NEDD8: variants seen among roughly 807,000 people sequenced by gnomAD.
NEDD8 encodes the protein ubiquitin-like protein NEDD8.
A neutral mutation model predicts 13.8 loss-of-function variants in NEDD8; 1 was observed. The observed-to-expected ratio is 0.07, with a 90% CI of 0.03 to 0.34. NEDD8 has a LOEUF of 0.34. Among genes scored for constraint, NEDD8 ranks in the 10% least tolerant of loss-of-function variants. The pLI is 0.99. For synonymous variants in NEDD8, 31 were observed against 33.2 expected (o/e 0.93, Z 0.23); for missense variants, 10 against 95.2 (o/e 0.10, Z 3.73).
At chr14:24,226,901 C>A (rs1434374604) in intron 1 of NEDD8, 1 of 152,094 alleles carries the variant, frequency 6.6e-6, no homozygotes, top group Admixed American at 6.6e-5. Context: ...TCATAGAAGA[C>A]TTTTTCATAA....
rs1400112574 is a variant in NEDD8, at chr14:24,216,910, A to T, written c.*217T>A. The T allele has an allele frequency of 2.4e-4, 127 of 526,118 alleles. 1 individual carries two copies. Among genetic ancestry groups the T allele is most frequent in the Non-Finnish European group, 8.6e-5 (25 of 290,350 alleles). 32.6% of individuals were successfully genotyped at this position (526,118 alleles called of 1,614,324 possible). A position where few individuals can be genotyped will look rare whatever the true frequency, so the allele number is the denominator to read the frequency against. On this transcript the variant is annotated 3_prime_UTR_variant, in exon 4 of 4. Transcript: ENST00000250495. ...ACAACCAGGGACACAGTCATAAGAG[A>T]GGGAAGCACACAGGACTGCAAACTA... is the stretch of plus-strand genomic sequence containing the variant.
chr14:24,221,732 G>A (rs1294552990), intron 1 of NEDD8, among the ~76,000 whole-genome samples: 1 of 151,872 alleles, frequency 6.6e-6, no homozygotes, highest in Non-Finnish European at 1.5e-5. Context: ...CAAGTAGCTG[G>A]GACTACAGGC....
At chr14:24,225,696 A>G (rs1028793760) in intron 1 of NEDD8, among the ~76,000 whole-genome samples, 1 of 152,238 alleles carries the variant, frequency 6.6e-6, no homozygotes, top group African/African-American at 2.4e-5. Context: ...TATTCTTGAT[A>G]TATCACACTG....
chr14:24,224,607 A>G (rs867391031), intron 1 of NEDD8, among the ~76,000 whole-genome samples: 10 of 152,352 alleles, frequency 6.6e-5, no homozygotes, highest in Middle Eastern at 3.4e-3. Context: ...AATGGCTACC[A>G]TTTTGGACAC....
At chr14:24,220,079 C>T (rs527924437) in intron 1 of NEDD8, among the ~76,000 whole-genome samples, 1 of 152,284 alleles carries the variant, frequency 6.6e-6, no homozygotes, top group Admixed American at 6.5e-5. Flanking sequence ...GCAGAAGTTG[C>T]GGTGAGCTGA....
chr14:24,217,491 T>C (rs2039728416), intron 3 of NEDD8, among the ~76,000 whole-genome samples: 1 of 152,150 alleles, frequency 6.6e-6, no homozygotes, highest in African/African-American at 2.4e-5. Context: ...GGTTTCACCA[T>C]GTTGGCCAGG....
intron 1 of NEDD8, among the ~76,000 whole-genome samples, chr14:24,222,379 C>T (rs1487142382): frequency 6.6e-6 from 1 of 152,130 alleles, no homozygotes. Flanking sequence ...ACACATGCAT[C>T]TATATGCTCT....
rs891617574 is a variant in NEDD8 at position 24,218,439 on chromosome 14, A to G, written c.19-8T>C. The G allele has an allele frequency of 8.7e-6, 14 of 1,614,100 alleles. No homozygotes were observed. The highest frequency in any genetic ancestry group is 1.1e-5 in the Non-Finnish European group (13 of 1,180,034). ...CTCCTTTCCGGTCAGCGTCTGAAAC[A>G]GGCAATGGTTTCATGAGTCCTTAAA... is the stretch of plus-strand genomic sequence containing the variant. On this transcript the variant is annotated splice_polypyrimidine_tract_variant and splice_region_variant and intron_variant, in intron 1 of 3. Coordinates refer to ENST00000250495, the MANE Select transcript of NEDD8 (RefSeq NM_006156.3).
intron 1 of NEDD8, among the ~76,000 whole-genome samples, chr14:24,223,590 C>G (rs2039842673): frequency 6.6e-6 from 1 of 151,076 alleles, no homozygotes. Flanking sequence ...GCTCTGTGTC[C>G]CAGCCTGGAA....
rs1289408227 is a variant in NEDD8 at position 24,217,205 on chromosome 14, T to C, written c.168A>G (p.Ala56=). ...SGKQMNDEKT[A]ADYKILGGSV... ...AACCACCTAAAATCTTGTAATCAGC[T>C]GCTGTCTTCTCATCATTCCTGCAGG... The change falls in exon 4 of 4, where the codon GCA becomes GCG. Residue 56 remains alanine (A), a synonymous_variant. Transcript: ENST00000250495. 5 of 1,613,236 alleles carry C rather than the reference T, an allele frequency of 3.1e-6. No homozygotes were observed. The East Asian group carries it at 6.7e-5, about 22-fold the overall frequency.
chr14:24,221,149 A>G (rs1341956775), intron 1 of NEDD8, among the ~76,000 whole-genome samples: 1 of 152,250 alleles, frequency 6.6e-6, no homozygotes, highest in African/African-American at 2.4e-5. Flanking sequence ...AGCAGTGTTA[A>G]AAGTGAAATT....
At chr14:24,220,186 C>A (rs1037070383) in intron 1 of NEDD8, among the ~76,000 whole-genome samples, 1 of 152,144 alleles carries the variant, frequency 6.6e-6, no homozygotes, top group African/African-American at 2.4e-5. Flanking sequence ...TATTAATATA[C>A]CAATTACAGC....
At chr14:24,220,705 GACTATT>G (rs1316527207) in intron 1 of NEDD8, among the ~76,000 whole-genome samples, 4 of 152,252 alleles carry the variant, frequency 2.6e-5, no homozygotes, top group East Asian at 3.9e-4. Flanking sequence ...ATGAGATATG[GACTATT>G]ACTATTTCCA....
intron 1 of NEDD8, among the ~76,000 whole-genome samples, chr14:24,225,767 G>A (rs537416725): frequency 6.6e-6 from 1 of 152,126 alleles, no homozygotes; most frequent in Non-Finnish European, 1.5e-5. Flanking sequence ...GACAGGGCGC[G>A]GTGGCTCACG....
chr14:24,219,623 G>C (rs2039768522), intron 1 of NEDD8, among the ~76,000 whole-genome samples: 1 of 151,994 alleles, frequency 6.6e-6, no homozygotes, highest in South Asian at 2.1e-4. Flanking sequence ...TTAAGGGCTG[G>C]TGATATCCAA....
At chr14:24,229,517 C>G (rs1265428090) in intron 1 of NEDD8, among the ~76,000 whole-genome samples, 2 of 152,198 alleles carry the variant, frequency 1.3e-5, no homozygotes, top group Non-Finnish European at 2.9e-5. Flanking sequence ...CACGCCTGGC[C>G]TTTCAAACAG....
chr14:24,221,044 T>C (rs1042448573), intron 1 of NEDD8, among the ~76,000 whole-genome samples: 1 of 152,236 alleles, frequency 6.6e-6, no homozygotes, highest in African/African-American at 2.4e-5. Flanking sequence ...TGTTTGGATA[T>C]GAAAGAATAA....
At chr14:24,218,543 T>C in intron 1 of NEDD8, 112 bp from the exon 2 acceptor site, 1 of 1,439,766 alleles carries the variant, frequency 6.9e-7, no homozygotes, top group Non-Finnish European at 9.7e-7. Context: ...AAGATGCATA[T>C]TCTCAGCAGC....
At chr14:24,229,851 T>C (rs973399038) in intron 1 of NEDD8, among the ~76,000 whole-genome samples, 10 of 151,984 alleles carry the variant, frequency 6.6e-5, no homozygotes, top group Non-Finnish European at 1.3e-4. Flanking sequence ...GGTGAGCGGA[T>C]CACTAGGTCA....
Sources: allele counts gnomAD v4.1 joint callset (sites outside exome capture counted in the v4.1 genomes callset), GRCh38; gene constraint gnomAD v4.1.1; transcripts MANE v1.5; gene names NCBI Gene and HGNC (gene_info 2026-07-23, HGNC 2026-07-21).